The following ARHGAP24 variants were observed in gnomAD, a reference collection of about 807,000 sequenced individuals.
The protein encoded by ARHGAP24 is Rho GTPase activating protein 24.
Under a neutral mutation model 76.4 loss-of-function variants are expected in ARHGAP24, and 50 were observed. The ratio of observed to expected loss-of-function variants is 0.65; its 90% CI spans 0.52 to 0.83. ARHGAP24 has a LOEUF of 0.83. Among genes scored for constraint, ARHGAP24 ranks in the 40% least tolerant of loss-of-function variants. ARHGAP24 has a pLI of 0.00. For missense variants in ARHGAP24, 930 were observed against 914.2 expected, an observed-to-expected ratio of 1.02 and a Z score of -0.22; for synonymous variants, 345 against 323.3, an observed-to-expected ratio of 1.07 and a Z score of -0.72.
intron 1 of ARHGAP24, among the ~76,000 whole-genome samples, chr4:85,546,290 G>A (rs1994070): frequency 0.12 from 18,320 of 151,586 alleles, 3,117 homozygotes; most frequent in African/African-American, 0.38. Flanking sequence ...TACAGGTCCA[G>A]TGGTAGTTAA....
At position 85,995,546 on chromosome 4, in the gene ARHGAP24, A is replaced by G. The variant is rs1230051817; in HGVS notation, c.1892A>G (p.Glu631Gly). The G allele has an allele frequency of 6.2e-7, 1 of 1,611,534 alleles. No homozygotes were observed. Among genetic ancestry groups the G allele is most frequent in the Non-Finnish European group, 8.5e-7 (1 of 1,178,466 alleles). Residue 631 changes from glutamate to glycine, a missense_variant, in exon 9 of 10, where the codon GAG becomes GGG. Transcript: ENST00000395184. ...SRATSSSDNS[E>G]TFVGNSSSNH... is the part of the protein sequence containing the mutation. ...GCCACCAGTAGCAGTGACAACAGTG[A>G]GACATTTGTGGGCAACAGCAGCAGC...
intron 3 of ARHGAP24, among the ~76,000 whole-genome samples, chr4:85,845,972 C>T (rs2110154892): frequency 6.6e-6 from 1 of 152,070 alleles, no homozygotes; most frequent in East Asian, 1.9e-4. Context: ...ATGGCGCGAT[C>T]TCGGCTCACT....
At chr4:85,853,872 T>G (rs28698740) in intron 3 of ARHGAP24, among the ~76,000 whole-genome samples, 1 of 151,378 alleles carries the variant, frequency 6.6e-6, no homozygotes, top group Admixed American at 6.6e-5. Context: ...GAGAATCACT[T>G]GAACCTGGGA....
At chr4:85,847,093 T>G (rs1019041556) in intron 3 of ARHGAP24, among the ~76,000 whole-genome samples, 1 of 152,210 alleles carries the variant, frequency 6.6e-6, no homozygotes, top group African/African-American at 2.4e-5. Flanking sequence ...TAAACCTTTC[T>G]GGAATACATG....
At chr4:85,513,060 C>T (rs1038071551) in intron 1 of ARHGAP24, among the ~76,000 whole-genome samples, 6 of 152,218 alleles carry the variant, frequency 3.9e-5, no homozygotes, top group Non-Finnish European at 5.9e-5. Context: ...CGTAGGTGCT[C>T]CCTCTGTGGC....
At chr4:85,828,166 T>A (rs1729811889) in intron 3 of ARHGAP24, among the ~76,000 whole-genome samples, 1 of 152,196 alleles carries the variant, frequency 6.6e-6, no homozygotes. Context: ...TGGCAACAGA[T>A]TGGACATAGT....
chr4:85,533,733 G>A (rs1201298217), intron 1 of ARHGAP24, among the ~76,000 whole-genome samples: 13 of 151,798 alleles, frequency 8.6e-5, no homozygotes, highest in Admixed American at 8.5e-4. Flanking sequence ...ACATAATTTT[G>A]TTATTACAAA....
intron 3 of ARHGAP24, among the ~76,000 whole-genome samples, chr4:85,861,465 G>A (rs1316237814): frequency 6.6e-6 from 1 of 152,022 alleles, no homozygotes; most frequent in African/African-American, 2.4e-5. Context: ...GCAATCTTCA[G>A]TTTTGCCCTA....
chr4:85,506,413 C>G (rs1306248690), intron 1 of ARHGAP24, among the ~76,000 whole-genome samples: 1 of 152,218 alleles, frequency 6.6e-6, no homozygotes, highest in Non-Finnish European at 1.5e-5. Flanking sequence ...GTTTGAGCTT[C>G]TTGGCCACTT....
At chr4:85,619,039 C>T (rs4693720) in intron 2 of ARHGAP24, among the ~76,000 whole-genome samples, 85,647 of 151,810 alleles carry the variant, frequency 0.56, 25,070 homozygotes, top group Non-Finnish European at 0.64. Context: ...AAGTTTTTGT[C>T]AAACCAATGT....
chr4:85,591,030 GGTTT>G (rs1468356791), intron 2 of ARHGAP24, among the ~76,000 whole-genome samples: 2 of 121,882 alleles, frequency 1.6e-5, no homozygotes, highest in East Asian at 2.4e-4. Flanking sequence ...AAATCTGCTG[GGTTT>G]TTTTTTTTTT....
chr4:85,566,190 T>C (rs1338940006), intron 1 of ARHGAP24, among the ~76,000 whole-genome samples: 1 of 152,240 alleles, frequency 6.6e-6, no homozygotes, highest in East Asian at 1.9e-4. Context: ...ATTGTTATGT[T>C]GGTTTTCTAA....
intron 3 of ARHGAP24, among the ~76,000 whole-genome samples, chr4:85,732,694 CTT>C (rs5859999): frequency 1.2e-4 from 16 of 136,798 alleles, no homozygotes; most frequent in Admixed American, 2.2e-4. Context: ...ATTCAAACTT[CTT>C]TTTTTTTTTT....
At chr4:85,524,267 C>T (rs1388018453) in intron 1 of ARHGAP24, among the ~76,000 whole-genome samples, 1 of 152,046 alleles carries the variant, frequency 6.6e-6, no homozygotes, top group Non-Finnish European at 1.5e-5. Context: ...TTACCAAATT[C>T]CTTAAGTGTC....
At chr4:85,957,665 G>T (rs959984657) in intron 5 of ARHGAP24, among the ~76,000 whole-genome samples, 3 of 152,176 alleles carry the variant, frequency 2.0e-5, no homozygotes, top group Non-Finnish European at 2.9e-5. Context: ...ACACTGGGAG[G>T]CCTCTTTCCT....
chr4:85,737,677 C>T (rs573955414), intron 3 of ARHGAP24, among the ~76,000 whole-genome samples: 46 of 152,176 alleles, frequency 3.0e-4, no homozygotes, highest in Non-Finnish European at 4.4e-4. Flanking sequence ...CATGTACTCA[C>T]TTTCATGACA....
At chr4:85,586,406 A>G (rs1181806924) in intron 2 of ARHGAP24, among the ~76,000 whole-genome samples, 1 of 152,230 alleles carries the variant, frequency 6.6e-6, no homozygotes, top group African/African-American at 2.4e-5. Context: ...CTGTGAATAC[A>G]GTTTCATGGT....
intron 3 of ARHGAP24, among the ~76,000 whole-genome samples, chr4:85,898,124 A>C (rs1734302130): frequency 6.6e-6 from 1 of 150,518 alleles, no homozygotes; most frequent in African/African-American, 2.4e-5. Context: ...CACTAAATGA[A>C]ATTGTCTCCA....
chr4:85,616,876 C>T (rs1235423915), intron 2 of ARHGAP24, among the ~76,000 whole-genome samples: 2 of 152,072 alleles, frequency 1.3e-5, no homozygotes, highest in Non-Finnish European at 2.9e-5. Context: ...GATCCGCCCA[C>T]CTTGGCCTCC....
Sources: allele counts gnomAD v4.1 joint callset (sites outside exome capture counted in the v4.1 genomes callset), GRCh38; gene constraint gnomAD v4.1.1; transcripts MANE v1.5; gene names NCBI Gene and HGNC (gene_info 2026-07-23, HGNC 2026-07-21).